CALD1: variants seen among roughly 807,000 people sequenced by gnomAD.
CALD1 encodes caldesmon 1.
A neutral mutation model predicts 99.9 loss-of-function variants in CALD1; 33 were observed. The observed-to-expected ratio is 0.33, with a 90% CI of 0.25 to 0.44. The LOEUF (loss-of-function observed/expected upper bound fraction) is 0.44, where lower values mean the gene tolerates loss of function less well. CALD1 is among the 20% of genes least tolerant of loss of function. The pLI is 1.00. For synonymous variants in CALD1, 310 were observed against 325.0 expected, an observed-to-expected ratio of 0.95 and a Z score of 0.50; for missense variants, 861 against 962.1, an observed-to-expected ratio of 0.89 and a Z score of 1.39.
At chr7:134,819,006 A>C (rs1385110323) in intron 1 of CALD1, among the ~76,000 whole-genome samples, 2 of 152,228 alleles carry the variant, frequency 1.3e-5, no homozygotes, top group African/African-American at 4.8e-5. Context: ...CAAATTGGCC[A>C]CGCTAAACCA....
intron 7 of CALD1, among the ~76,000 whole-genome samples, chr7:134,945,666 A>G (rs565572569): frequency 4.6e-5 from 7 of 152,234 alleles, no homozygotes; most frequent in Non-Finnish European, 1.0e-4. Context: ...GAGCATAAAG[A>G]ATGACATGTA....
chr7:134,829,349 C>T (rs188947249), intron 1 of CALD1, among the ~76,000 whole-genome samples: 4 of 152,150 alleles, frequency 2.6e-5, no homozygotes, highest in East Asian at 3.8e-4. Flanking sequence ...GGATAGGATA[C>T]GTGAAAACGT....
At chr7:134,758,155 T>C (rs1796746090) in intron 1 of CALD1, among the ~76,000 whole-genome samples, 1 of 152,186 alleles carries the variant, frequency 6.6e-6, no homozygotes. Flanking sequence ...TTCAGACTGT[T>C]GTGTGCAACT....
At chr7:134,761,134 G>A (rs1796772932) in intron 1 of CALD1, among the ~76,000 whole-genome samples, 1 of 152,058 alleles carries the variant, frequency 6.6e-6, no homozygotes, top group African/African-American at 2.4e-5. Flanking sequence ...TAAGAAGTGA[G>A]AAAAACAGAA....
At chr7:134,711,628 TTCTCTCTC>T in the CALD1 span, among the ~76,000 whole-genome samples, 11 of 64,042 alleles carry the variant, frequency 1.7e-4, no homozygotes, top group Admixed American at 1.0e-3. Flanking sequence ...CAACCTCAGC[TTCTCTCTC>T]TCTCTCTCTC....
At chr7:134,932,880 C>T in intron 4 of CALD1, 108 bp from the exon 5 acceptor site, 2 of 699,486 alleles carry the variant, frequency 2.9e-6, no homozygotes, top group Non-Finnish European at 4.8e-6. Flanking sequence ...TATGGGCAAG[C>T]TTGGCACTAC....
intron 2 of CALD1, among the ~76,000 whole-genome samples, chr7:134,852,461 G>A (rs1463713519): frequency 6.6e-6 from 1 of 152,118 alleles, no homozygotes; most frequent in Non-Finnish European, 1.5e-5. Flanking sequence ...GGTGGTATGT[G>A]GGAGGAAGAT....
intron 1 of CALD1, among the ~76,000 whole-genome samples, chr7:134,815,649 G>A (rs996684679): frequency 2.0e-5 from 3 of 152,116 alleles, no homozygotes; most frequent in African/African-American, 7.2e-5. Flanking sequence ...CTGAGCCTAT[G>A]AGGTCCTATA....
chr7:134,743,933 A>T (rs967279995), upstream of CALD1, among the ~76,000 whole-genome samples: 1 of 152,220 alleles, frequency 6.6e-6, no homozygotes, highest in African/African-American at 2.4e-5. Context: ...GCAGTTGGTT[A>T]ATTTCCCCAC....
rs934273646 is a variant in CALD1 at position 134,867,873 on chromosome 7, A to G, written c.71+69A>G. The G allele has an allele frequency of 1.1e-5, 11 of 997,152 alleles. No individual in the cohort carries two copies. In the African/African-American group the frequency reaches 1.6e-4, roughly 15 times the overall value. The allele number at this position is 997,152 out of a possible 1,614,324, so 61.8% of individuals were successfully genotyped here. On this transcript the variant is annotated intron_variant, in intron 3 of 14. Coordinates refer to ENST00000361675, the MANE Select transcript of CALD1 (RefSeq NM_033138.4). ...ACCTTGGTTTCAGGCCTCAAAGACC[A>G]TCCTTTTGAGAGGCCAAATGTGGTC...
chr7:134,966,409 C>T (rs1478532223), intron 14 of CALD1, among the ~76,000 whole-genome samples: 1 of 152,186 alleles, frequency 6.6e-6, no homozygotes, highest in Non-Finnish European at 1.5e-5. Context: ...ATGAAAAGTA[C>T]CTGCTGGTAA....
intron 1 of CALD1, among the ~76,000 whole-genome samples, chr7:134,813,274 G>A (rs970489193): frequency 6.6e-6 from 1 of 152,146 alleles, no homozygotes; most frequent in Non-Finnish European, 1.5e-5. Flanking sequence ...GAGGGGCAGA[G>A]GATTGGAATA....
intron 1 of CALD1, among the ~76,000 whole-genome samples, chr7:134,815,989 G>A (rs1798546851): frequency 1.3e-5 from 2 of 152,094 alleles, no homozygotes; most frequent in Non-Finnish European, 2.9e-5. Context: ...TCATTCACTT[G>A]TGAACTTGTC....
intron 2 of CALD1, among the ~76,000 whole-genome samples, chr7:134,851,457 T>G (rs1430414654): frequency 6.6e-6 from 1 of 152,202 alleles, no homozygotes; most frequent in East Asian, 1.9e-4. Context: ...ATCAGGAATC[T>G]GAGCAAGCAC....
intron 1 of CALD1, among the ~76,000 whole-genome samples, chr7:134,760,270 G>A (rs1402893430): frequency 6.6e-6 from 1 of 152,242 alleles, no homozygotes; most frequent in East Asian, 1.9e-4. Flanking sequence ...AACCCCGCTT[G>A]CACAGTTCTA....
intron 1 of CALD1, among the ~76,000 whole-genome samples, chr7:134,755,065 A>G (rs1009454013): frequency 2.6e-5 from 4 of 152,104 alleles, no homozygotes; most frequent in East Asian, 1.9e-4. Context: ...CAGTGGCCCA[A>G]TCTGGGCTCA....
chr7:134,726,443 A>G, the CALD1 span, among the ~76,000 whole-genome samples: 1 of 36,686 alleles, frequency 2.7e-5, no homozygotes, highest in African/African-American at 1.3e-4. Context: ...ATATAGCTTT[A>G]TATATATAAT....
rs1358725209 is a variant in CALD1 at position 134,779,722 on chromosome 7, T to A, written c.-157T>A. 2 of 398,502 alleles carry A rather than the reference T, an allele frequency of 5.0e-6. No individual in the cohort carries two copies. Among genetic ancestry groups the A allele is most frequent in the Non-Finnish European group, 8.8e-6 (2 of 226,114 alleles). 24.7% of individuals were successfully genotyped at this position (398,502 alleles called of 1,614,324 possible). A position where few individuals can be genotyped will look rare whatever the true frequency, so the allele number is the denominator to read the frequency against. The stretch of plus-strand genomic sequence containing the variant: ...AATCAGTCCTTCCTTTCCGACTTAG[T>A]CCTCGGGAAGAAGTTTCAGACTACA... On this transcript the variant is annotated 5_prime_UTR_variant, in exon 1 of 15. Coordinates refer to ENST00000361675, the MANE Select transcript of CALD1 (RefSeq NM_033138.4).
intron 1 of CALD1, among the ~76,000 whole-genome samples, chr7:134,766,282 GCTGGGA>G (rs758736033): frequency 7.3e-5 from 11 of 149,732 alleles, no homozygotes; most frequent in Non-Finnish European, 1.2e-4. Context: ...CTCCCATGTA[GCTGGGA>G]CTACAGGCCA....
Sources: allele counts gnomAD v4.1 joint callset (sites outside exome capture counted in the v4.1 genomes callset), GRCh38; gene constraint gnomAD v4.1.1; transcripts MANE v1.5; gene names NCBI Gene and HGNC (gene_info 2026-07-23, HGNC 2026-07-21).